SPOCK1: variants seen among roughly 807,000 people sequenced by gnomAD.
The protein encoded by SPOCK1 is SPARC (osteonectin), cwcv and kazal like domains proteoglycan 1.
In SPOCK1, 23 loss-of-function variants were observed where a neutral mutation model predicts 55.3. The ratio of observed to expected loss-of-function variants is 0.42; its 90% CI spans 0.30 to 0.59. The LOEUF is 0.59. Ranked by LOEUF, SPOCK1 falls within the 20% of genes least tolerant of loss-of-function variation. The pLI is 0.22. For missense variants in SPOCK1, 499 were observed against 552.5 expected (o/e 0.90, Z 0.97); for synonymous variants, 226 against 221.0 (o/e 1.02, Z -0.20).
At chr5:137,034,269 C>T (rs1198718746) in intron 6 of SPOCK1, among the ~76,000 whole-genome samples, 2 of 152,152 alleles carry the variant, frequency 1.3e-5, no homozygotes, top group African/African-American at 2.4e-5. Flanking sequence ...GAATGCTGTG[C>T]GAGTACCATG....
intron 2 of SPOCK1, among the ~76,000 whole-genome samples, chr5:137,325,849 A>G (rs953987019): frequency 3.3e-5 from 5 of 152,228 alleles, no homozygotes; most frequent in Middle Eastern, 6.3e-3. Flanking sequence ...TATTTGGGCC[A>G]AGGGCTAAAA....
intron 6 of SPOCK1, among the ~76,000 whole-genome samples, chr5:137,066,963 T>TAGACAC (rs1554095746): frequency 7.9e-6 from 1 of 126,252 alleles, no homozygotes; most frequent in African/African-American, 2.9e-5. Context: ...AACATAAGCA[T>TAGACAC]ACACACACAC....
chr5:137,445,047 C>A (rs1352118999), intron 2 of SPOCK1, among the ~76,000 whole-genome samples: 2 of 152,310 alleles, frequency 1.3e-5, no homozygotes, highest in Admixed American at 6.5e-5. Context: ...GAGGAGCCCA[C>A]TACTACAAAT....
At chr5:137,133,124 C>G (rs1237176002) in intron 4 of SPOCK1, among the ~76,000 whole-genome samples, 1 of 152,150 alleles carries the variant, frequency 6.6e-6, no homozygotes, top group African/African-American at 2.4e-5. Context: ...AATCCCAGCA[C>G]TTTAGGAGGC....
intron 2 of SPOCK1, among the ~76,000 whole-genome samples, chr5:137,362,077 A>C (rs1735588291): frequency 6.6e-6 from 1 of 152,210 alleles, no homozygotes; most frequent in South Asian, 2.1e-4. Context: ...AAGAGACCAG[A>C]AGAAAAAGGC....
chr5:136,978,887 C>A, intron 10 of SPOCK1, 43 bp from the exon 11 acceptor site: 2 of 1,552,320 alleles, frequency 1.3e-6, no homozygotes, highest in Middle Eastern at 3.8e-4. Context: ...TCCACTTATA[C>A]CTCATGACCC....
chr5:137,242,721 G>A (rs906511898), intron 3 of SPOCK1, among the ~76,000 whole-genome samples: 3 of 152,162 alleles, frequency 2.0e-5, no homozygotes, highest in African/African-American at 7.2e-5. Flanking sequence ...CTGGGTGACA[G>A]GGTGAAACCC....
At chr5:137,270,894 C>T (rs984162353) in intron 2 of SPOCK1, among the ~76,000 whole-genome samples, 54 of 152,064 alleles carry the variant, frequency 3.6e-4, no homozygotes, top group Non-Finnish European at 6.5e-4. Context: ...CCCAGCTACC[C>T]GAGAGGCTGA....
At chr5:137,120,672 A>G (rs1753668038) in intron 4 of SPOCK1, among the ~76,000 whole-genome samples, 1 of 152,216 alleles carries the variant, frequency 6.6e-6, no homozygotes, top group South Asian at 2.1e-4. Context: ...ATGAAACAGA[A>G]CTGCTGCTTT....
chr5:137,375,829 C>T (rs552421325), intron 2 of SPOCK1, among the ~76,000 whole-genome samples: 1 of 152,188 alleles, frequency 6.6e-6, no homozygotes, highest in Admixed American at 6.5e-5. Context: ...ACAGGCTATG[C>T]GTGACCTCCA....
intron 6 of SPOCK1, among the ~76,000 whole-genome samples, chr5:136,993,762 G>GA (rs1235298431): frequency 6.6e-6 from 1 of 152,154 alleles, no homozygotes. Flanking sequence ...GAGCCTGGGG[G>GA]AATCCCTGGG....
chr5:137,304,649 A>C (rs1012662998), intron 2 of SPOCK1, among the ~76,000 whole-genome samples: 5 of 152,156 alleles, frequency 3.3e-5, no homozygotes, highest in African/African-American at 9.7e-5. Context: ...CCACTGGGTG[A>C]GCAAAGCAGA....
intron 2 of SPOCK1, among the ~76,000 whole-genome samples, chr5:137,414,718 C>T (rs1171422678): frequency 2.0e-5 from 3 of 152,120 alleles, no homozygotes; most frequent in Non-Finnish European, 2.9e-5. Flanking sequence ...TTTACATTTT[C>T]AGTAATTCCT....
chr5:137,334,637 G>A (rs536918848), intron 2 of SPOCK1, among the ~76,000 whole-genome samples: 3 of 152,260 alleles, frequency 2.0e-5, no homozygotes, highest in South Asian at 2.1e-4. Context: ...CACAGTCTTC[G>A]GTTCAGAATG....
intron 3 of SPOCK1, among the ~76,000 whole-genome samples, chr5:137,241,050 A>G (rs1010054692): frequency 6.6e-6 from 1 of 152,248 alleles, no homozygotes; most frequent in Non-Finnish European, 1.5e-5. Context: ...TACATCACGT[A>G]CCAAAATAAA....
chr5:137,181,415 T>C (rs1206613724), intron 3 of SPOCK1, among the ~76,000 whole-genome samples: 1 of 152,214 alleles, frequency 6.6e-6, no homozygotes, highest in African/African-American at 2.4e-5. Flanking sequence ...AGGACTAGGA[T>C]GGACTAGAAG....
At chr5:137,312,707 G>C (rs1427460947) in intron 2 of SPOCK1, among the ~76,000 whole-genome samples, 7 of 152,172 alleles carry the variant, frequency 4.6e-5, no homozygotes, top group Admixed American at 4.6e-4. Context: ...AGGGTACAGT[G>C]GATAGGGTAC....
At position 137,492,360 on chromosome 5, in the gene SPOCK1, C is replaced by G. The variant is rs1005541200; in HGVS notation, c.186+6013G>C. Among the ~76,000 whole-genome samples, 3 of 152,306 alleles carry G rather than the reference C, an allele frequency of 2.0e-5. No homozygotes were observed. The East Asian group carries it at 5.8e-4, about 29-fold the overall frequency. ...CTATGATGATGCAGATTTGCAGTTGCCATGAGCCACTACATGGAACCAAAC... is the reference window on the plus strand; with the variant it reads ...CTATGATGATGCAGATTTGCAGTTGGCATGAGCCACTACATGGAACCAAAC... On this transcript the variant is annotated intron_variant, in intron 2 of 10. Coordinates refer to ENST00000394945, the MANE Select transcript of SPOCK1 (RefSeq NM_004598.4).
At chr5:137,268,905 C>A (rs1756909271) in intron 2 of SPOCK1, among the ~76,000 whole-genome samples, 2 of 152,176 alleles carry the variant, frequency 1.3e-5, no homozygotes, top group South Asian at 2.1e-4. Flanking sequence ...GGGCTGGAAC[C>A]AAAGACAAGT....
Sources: allele counts gnomAD v4.1 joint callset (sites outside exome capture counted in the v4.1 genomes callset), GRCh38; gene constraint gnomAD v4.1.1; transcripts MANE v1.5; gene names NCBI Gene and HGNC (gene_info 2026-07-23, HGNC 2026-07-21).